PDGFA: variants seen among roughly 807,000 people sequenced by gnomAD.
PDGFA encodes platelet-derived growth factor subunit A.
In PDGFA, 9 loss-of-function variants were observed where a neutral mutation model predicts 25.6. The observed-to-expected ratio is 0.35, with a 90% confidence interval of 0.21 to 0.61. The LOEUF (loss-of-function observed/expected upper bound fraction) is 0.61. PDGFA is among the 20% of genes least tolerant of loss of function. The pLI is 0.75. For synonymous variants in PDGFA, 133 were observed against 111.8 expected, an observed-to-expected ratio of 1.19 and a Z score of -1.20; for missense variants, 242 against 272.8, an observed-to-expected ratio of 0.89 and a Z score of 0.79.
At chr7:520,068 GC>G, upstream of PDGFA, 1 of 397,818 alleles carries the variant, frequency 2.5e-6, no homozygotes, top group South Asian at 1.7e-5. Context: ...AAAGCCCCGC[GC>G]CCGGCTCCGC....
At chr7:519,974 G>C, upstream of PDGFA, 1 of 325,988 alleles carries the variant, frequency 3.1e-6, no homozygotes, top group Non-Finnish European at 6.0e-6. Flanking sequence ...GAAGCGCTCG[G>C]GGTTCGTGCG....
upstream of PDGFA, chr7:520,168 C>A: frequency 3.8e-6 from 1 of 265,526 alleles, no homozygotes; most frequent in Non-Finnish European, 7.6e-6. Flanking sequence ...GAGGAGGCCG[C>A]CGCAGAAGCG....
exon 6 of PDGFA, chr7:498,486 A>G: frequency 7.1e-7 from 1 of 1,411,804 alleles, no homozygotes; most frequent in Non-Finnish European, 9.9e-7. Context: ...CACTGGCAAT[A>G]AAGCACCGTA....
rs940705432 is a variant in PDGFA, at chr7:500,298, A to C, written c.580+818T>G. The C allele has an allele frequency of 2.0e-5, 19 of 956,918 alleles. No homozygotes were observed. The Admixed American group carries it at 3.0e-4, about 15-fold the overall frequency. The allele number at this position is 956,918 out of a possible 1,614,324, so 59.3% of individuals were successfully genotyped here. On this transcript the variant is annotated intron_variant, in intron 5 of 5. Transcript: ENST00000402802. This position sits in a 1 kb window ranked among gnomAD's most constrained non-coding sequence, Gnocchi z 5.0. The stretch of plus-strand genomic sequence containing the variant: ...GGGAGCAAGGAGACCCAAGCCCAGC[A>C]GACACCATCAAGGCCAATCAGGGCC...
exon 4 of PDGFA, chr7:510,852 C>A: frequency 1.2e-6 from 2 of 1,609,880 alleles, no homozygotes; most frequent in East Asian, 2.2e-5. Flanking sequence ...GCACTTGACA[C>A]TGCTCGTGTT....
At chr7:520,205 G>C (rs1362368238), upstream of PDGFA, 1 of 230,314 alleles carries the variant, frequency 4.3e-6, no homozygotes, top group Non-Finnish European at 8.8e-6. Context: ...GCCTCTCTCG[G>C]GCCCCAGCGG....
exon 1 of PDGFA, chr7:519,002 C>A (rs780529670): frequency 8.5e-6 from 13 of 1,532,934 alleles, no homozygotes; most frequent in African/African-American, 1.4e-5. Context: ...AGGTCCTCAT[C>A]GCGTCCCGAG....
intron 4 of PDGFA, among the ~76,000 whole-genome samples, chr7:504,514 G>T (rs111943936): frequency 2.8e-3 from 427 of 152,154 alleles, no homozygotes; most frequent in African/African-American, 9.7e-3. Flanking sequence ...TCCCCTGGAG[G>T]CCCTGGACAC....
chr7:508,590 T>TAAAAAAAAACC (rs1275774675), intron 4 of PDGFA, among the ~76,000 whole-genome samples: 23 of 130,888 alleles, frequency 1.8e-4, no homozygotes, highest in Non-Finnish European at 3.3e-4. Flanking sequence ...AAAAAAAAAT[T>TAAAAAAAAACC]CTCAGCTGAG....
chr7:504,817 C>A (rs2128394520), intron 4 of PDGFA, among the ~76,000 whole-genome samples: 1 of 152,344 alleles, frequency 6.6e-6, no homozygotes, highest in East Asian at 1.9e-4. Context: ...GACCGCAGGC[C>A]CGTCTGGCCA....
At chr7:507,568 G>C (rs963002443) in intron 4 of PDGFA, among the ~76,000 whole-genome samples, 7 of 152,222 alleles carry the variant, frequency 4.6e-5, no homozygotes, top group Admixed American at 1.3e-4. Flanking sequence ...GGGTGGGAAG[G>C]GCAGGGGCTG....
intron 2 of PDGFA, among the ~76,000 whole-genome samples, chr7:516,880 G>T (rs911784535): frequency 6.6e-6 from 1 of 152,190 alleles, no homozygotes; most frequent in Non-Finnish European, 1.5e-5. Flanking sequence ...CAGCCACAGA[G>T]GCCCAGCCCT....
chr7:508,334 A>G (rs540156388), intron 4 of PDGFA, among the ~76,000 whole-genome samples: 1 of 152,052 alleles, frequency 6.6e-6, no homozygotes, highest in South Asian at 2.1e-4. Flanking sequence ...GCTGTCACCA[A>G]ATCCTCAGCT....
At chr7:499,582 C>T (rs922137675) in intron 5 of PDGFA, among the ~76,000 whole-genome samples, 1 of 152,234 alleles carries the variant, frequency 6.6e-6, no homozygotes, top group African/African-American at 2.4e-5. Context: ...CAGGTCCCAC[C>T]TCCATCTGGG....
chr7:512,633 A>G, intron 2 of PDGFA, 178 bp from the exon 3 acceptor site: 1 of 1,527,848 alleles, frequency 6.5e-7, no homozygotes, highest in African/African-American at 1.4e-5. Flanking sequence ...GATTCCCACC[A>G]GGGCTTTCCA....
chr7:519,075 C>T, exon 1 of PDGFA: 6 of 1,216,506 alleles, frequency 4.9e-6, no homozygotes, highest in East Asian at 2.8e-5. Flanking sequence ...TCTCCTGTGG[C>T]GGCGAAATTC....
intron 3 of PDGFA, 74 bp from the exon 4 acceptor site, chr7:511,070 C>A: frequency 8.0e-7 from 1 of 1,243,878 alleles, no homozygotes; most frequent in South Asian, 1.3e-5. Flanking sequence ...TGAGGCGGCT[C>A]CAGCTGGGCC....
Position 517,980 on chromosome 7 carries a change from C to A in PDGFA, c.64-490G>T, listed in dbSNP as rs1783183923. Among the ~76,000 whole-genome samples the A allele has an allele frequency of 6.6e-6, 1 of 152,246 alleles. No individual in the cohort carries two copies. The highest frequency in any genetic ancestry group is 3.4e-3 in the Middle Eastern group (1 of 294). ...TCCCGGGCCGAACCCGTGGAGAGGT[C>A]TCTCCGTCTCACAAACACACGCACG... On this transcript the variant is annotated intron_variant, in intron 1 of 5. Transcript: ENST00000402802. This position sits in a 1 kb window ranked among gnomAD's most constrained non-coding sequence, Gnocchi z 7.4.
intron 4 of PDGFA, among the ~76,000 whole-genome samples, chr7:507,165 C>A (rs1782596945): frequency 6.6e-6 from 1 of 152,246 alleles, no homozygotes; most frequent in African/African-American, 2.4e-5. Flanking sequence ...AGCCAAAGCC[C>A]CCTGGGTCCA....
Sources: allele counts gnomAD v4.1 joint callset (sites outside exome capture counted in the v4.1 genomes callset), GRCh38; gene constraint gnomAD v4.1.1; non-coding constraint Gnocchi (gnomAD v3.1); transcripts MANE v1.5; gene names NCBI Gene and HGNC (gene_info 2026-07-23, HGNC 2026-07-21).